The following ANKFN1 variants were observed in gnomAD, a reference collection of about 807,000 sequenced individuals.
ANKFN1 encodes ankyrin repeat and fibronectin type-III domain-containing protein 1.
A neutral mutation model predicts 108.7 loss-of-function variants in ANKFN1; 74 were observed. The observed-to-expected ratio is 0.68, with a 90% CI of 0.56 to 0.83. The LOEUF is 0.83. ANKFN1 is among the 40% of genes least tolerant of loss of function. ANKFN1 has a pLI of 0.00. For synonymous variants in ANKFN1, 547 were observed against 516.2 expected (o/e 1.06, Z -0.81); for missense variants, 1,505 against 1,382.3 (o/e 1.09, Z -1.41).
chr17:56,347,751 G>A (rs906781392), intron 4 of ANKFN1, among the ~76,000 whole-genome samples: 5 of 152,050 alleles, frequency 3.3e-5, no homozygotes, highest in African/African-American at 4.8e-5. Flanking sequence ...AGGGACAGCT[G>A]GGGGAGGATG....
intron 1 of ANKFN1, among the ~76,000 whole-genome samples, chr17:56,212,215 C>A (rs1196764010): frequency 6.6e-6 from 1 of 151,814 alleles, no homozygotes; most frequent in African/African-American, 2.4e-5. Context: ...TATGTCCCTT[C>A]TATGATGATT....
intron 8 of ANKFN1, among the ~76,000 whole-genome samples, chr17:56,392,831 A>G (rs2047478570): frequency 1.3e-5 from 2 of 152,144 alleles, no homozygotes; most frequent in African/African-American, 4.8e-5. Flanking sequence ...GAGGAACCAT[A>G]TTTCAGAAAA....
intron 3 of ANKFN1, among the ~76,000 whole-genome samples, chr17:56,268,842 C>A (rs2043721141): frequency 6.6e-6 from 1 of 152,018 alleles, no homozygotes. Flanking sequence ...TCTCAGTCTG[C>A]AAATTTTTAT....
chr17:56,442,730 T>A (rs2049148416), intron 9 of ANKFN1, 113 bp from the exon 10 acceptor site: 1 of 886,174 alleles, frequency 1.1e-6, no homozygotes. Flanking sequence ...GGCAACAGAG[T>A]TCCAAAGAGA....
At chr17:56,248,866 G>A (rs912980721) in intron 3 of ANKFN1, among the ~76,000 whole-genome samples, 1 of 152,182 alleles carries the variant, frequency 6.6e-6, no homozygotes, top group African/African-American at 2.4e-5. Flanking sequence ...TAAGAGAGTA[G>A]GGAAGTGAGT....
At chr17:56,283,622 G>A (rs2044143691) in intron 3 of ANKFN1, among the ~76,000 whole-genome samples, 1 of 151,932 alleles carries the variant, frequency 6.6e-6, no homozygotes, top group African/African-American at 2.4e-5. Flanking sequence ...ATTATTCTGA[G>A]TGAAGTAGCT....
Position 56,132,000 on chromosome 17 carries a change from C to T in ANKFN1, c.288+85675C>T, listed in dbSNP as rs571640131. 5.9e-5 allele frequency among the ~76,000 whole-genome samples: 9 copies of T among 152,298 alleles called. No homozygotes were observed. The South Asian group carries it at 1.9e-3, about 32-fold the overall frequency. ...AATCATATGGACCCTCAAATTAAAA[C>T]TTGTAATCATGAATTCCTTTCAATG... On this transcript the variant is annotated intron_variant, in intron 4 of 12. Transcript: ENST00000635860.
chr17:56,084,829 G>C (rs1905288065), intron 4 of ANKFN1, among the ~76,000 whole-genome samples: 1 of 151,018 alleles, frequency 6.6e-6, no homozygotes, highest in Admixed American at 6.6e-5. Context: ...GGGGATCTGG[G>C]GACCTAGGCC....
At chr17:56,317,304 T>G (rs2045237804) in intron 3 of ANKFN1, among the ~76,000 whole-genome samples, 1 of 152,182 alleles carries the variant, frequency 6.6e-6, no homozygotes, top group Non-Finnish European at 1.5e-5. Context: ...CCAGAAACAT[T>G]GCAAATCAAC....
rs1173166940 is a variant in ANKFN1 at position 56,316,086 on chromosome 17, G to A, written c.54-10135G>A. On this transcript the variant is annotated intron_variant, in intron 3 of 20. Coordinates refer to ENST00000682825, the MANE Select transcript of ANKFN1 (RefSeq NM_001370326.1). Reference sequence around the variant, plus strand: ...CTTCATCTGACATTTTTAGAAGAAAGGGGACAAAGTTTTTATTTTCAGCTG... The same window carrying A: ...CTTCATCTGACATTTTTAGAAGAAAAGGGACAAAGTTTTTATTTTCAGCTG... Among the ~76,000 whole-genome samples the A allele has an allele frequency of 2.6e-5, 4 of 152,188 alleles. No individual in the cohort carries two copies. The East Asian group carries it at 5.8e-4, about 22-fold the overall frequency.
chr17:56,073,227 C>T (rs547450746), intron 4 of ANKFN1, among the ~76,000 whole-genome samples: 1 of 152,200 alleles, frequency 6.6e-6, no homozygotes, highest in South Asian at 2.1e-4. Context: ...CTCCTGACCT[C>T]GTGATCCGCC....
chr17:56,428,693 C>A (rs908915216), intron 8 of ANKFN1, among the ~76,000 whole-genome samples: 1 of 152,010 alleles, frequency 6.6e-6, no homozygotes, highest in African/African-American at 2.4e-5. Flanking sequence ...GAACTCCTGA[C>A]CTTAAGTGAT....
intron 4 of ANKFN1, among the ~76,000 whole-genome samples, chr17:56,128,932 C>T (rs896582557): frequency 1.3e-5 from 2 of 152,100 alleles, no homozygotes; most frequent in African/African-American, 2.4e-5. Context: ...AAGCTGCCTG[C>T]GTGGTCTGTC....
At chr17:56,074,412 G>A (rs573755027) in intron 4 of ANKFN1, among the ~76,000 whole-genome samples, 60 of 152,300 alleles carry the variant, frequency 3.9e-4, no homozygotes, top group Non-Finnish European at 7.6e-4. Flanking sequence ...GCCCTTGATG[G>A]CTGAAGCAGC....
At chr17:56,346,936 C>T (rs1230476647) in intron 4 of ANKFN1, among the ~76,000 whole-genome samples, 4 of 151,920 alleles carry the variant, frequency 2.6e-5, no homozygotes, top group African/African-American at 9.7e-5. Flanking sequence ...ATACTGTTAC[C>T]TACAATCTCT....
intron 4 of ANKFN1, among the ~76,000 whole-genome samples, chr17:56,134,655 G>T (rs1435223716): frequency 6.6e-6 from 1 of 152,120 alleles, no homozygotes; most frequent in African/African-American, 2.4e-5. Flanking sequence ...GAAACTGGGG[G>T]CAATACGTGT....
At chr17:56,119,367 A>C (rs1460434507) in intron 4 of ANKFN1, among the ~76,000 whole-genome samples, 1 of 152,140 alleles carries the variant, frequency 6.6e-6, no homozygotes, top group African/African-American at 2.4e-5. Context: ...TGTGAATGCC[A>C]CTCAGAGGCC....
chr17:56,266,613 A>G (rs994574572), intron 3 of ANKFN1, among the ~76,000 whole-genome samples: 19 of 152,022 alleles, frequency 1.2e-4, no homozygotes, highest in African/African-American at 4.6e-4. Context: ...GCCAGTGTAG[A>G]CATTCCTACA....
At position 56,510,643 on chromosome 17, in the gene ANKFN1, G is replaced by T; in HGVS notation, c.2815G>T (p.Val939Phe). The T allele has an allele frequency of 6.5e-7, 1 of 1,536,144 alleles. No homozygotes were observed. Among genetic ancestry groups the T allele is most frequent in the Non-Finnish European group, 8.7e-7 (1 of 1,146,908 alleles). Residue 939 changes from valine to phenylalanine, a missense_variant, in exon 21 of 21, where the codon GTC (valine) becomes TTC (phenylalanine). Physicochemically the swap from Val to Phe is conservative, Grantham distance 50. Transcript: ENST00000682825. ...CGGCCTAAGCGGCAGCGCCCCCGAC[G>T]TCCTGCAAGTGCACGACGTGAAAAC... is the stretch of plus-strand genomic sequence containing the variant. ...LSGLSGSAPDVLQVHDVKTPL... is the reference protein window; with the variant it reads ...LSGLSGSAPDFLQVHDVKTPL...
Sources: gnomAD v4.1 joint callset for allele counts (sites outside exome capture counted in the v4.1 genomes callset) on GRCh38, gnomAD v4.1.1 for gene constraint, MANE v1.5 for transcripts, NCBI Gene and HGNC (gene_info 2026-07-23, HGNC 2026-07-21) for gene names.